ABCA10: variants seen among roughly 807,000 people sequenced by gnomAD.
The protein encoded by ABCA10 is ATP binding cassette subfamily A member 10, also known as ATP-binding cassette sub-family A member 10.
ABCA10 carries 169 observed loss-of-function variants against 187.5 expected under a neutral mutation model. That is an observed-to-expected ratio of 0.90 (90% CI 0.80 to 1.02). ABCA10 has a LOEUF of 1.02. Among genes scored for constraint, ABCA10 ranks in the 50% least tolerant of loss-of-function variants. ABCA10 has a pLI of 0.00. For missense variants in ABCA10, 1,727 were observed against 1,812.4 expected (o/e 0.95, Z 0.86); for synonymous variants, 574 against 601.8 (o/e 0.95, Z 0.68).
chr17:69,148,804 T>G lies in ABCA10; in HGVS notation c.*23A>C. The G allele has an allele frequency of 6.3e-7, 1 of 1,584,016 alleles. No individual in the cohort carries two copies. Among genetic ancestry groups the G allele is most frequent in the Non-Finnish European group, 8.6e-7 (1 of 1,156,306 alleles). On this transcript the variant is annotated 3_prime_UTR_variant, in exon 39 of 39. Transcript: ENST00000690296. ...CTAACAATGTAGTAGGACCTAAAAT[T>G]GAATGTTAGGAGGTTCTTCATTTTA...
At chr17:69,209,866 G>A (rs1409660481) in intron 9 of ABCA10, among the ~76,000 whole-genome samples, 1 of 152,084 alleles carries the variant, frequency 6.6e-6, no homozygotes, top group Non-Finnish European at 1.5e-5. Context: ...TAAGACAATG[G>A]TATCTCTATC....
At chr17:69,227,715 C>G (rs2074805199) in intron 1 of ABCA10, among the ~76,000 whole-genome samples, 1 of 151,944 alleles carries the variant, frequency 6.6e-6, no homozygotes, top group African/African-American at 2.4e-5. Context: ...TGACCACAAG[C>G]TGTCTTATTT....
rs74404893 is a variant in ABCA10, at chr17:69,174,744, G to C, written c.2911C>G (p.Leu971Val). The change falls in exon 24 of 39, where the codon CTC becomes GTC. Residue 971 changes from leucine to valine, a missense_variant. Physicochemically the swap from Leu to Val is conservative, Grantham distance 32. Coordinates refer to ENST00000690296, the MANE Select transcript of ABCA10 (RefSeq NM_001377321.1). ...NVQSQLWISG[L>V]WPSAYWCGQA... ...CCACACCAGTATGCTGAAGGCCAGA[G>C]GCCTGAAATCCATAACTGGGATTGA... 8.4e-5 allele frequency: 134 copies of C among 1,600,094 alleles called. No individual in the cohort carries two copies. The East Asian group carries it at 2.8e-3, about 34-fold the overall frequency.
intron 23 of ABCA10, among the ~76,000 whole-genome samples, 156 bp downstream of exon 23, chr17:69,175,250 T>C (rs998738515): frequency 6.6e-6 from 1 of 152,170 alleles, no homozygotes; most frequent in Non-Finnish European, 1.5e-5. Flanking sequence ...CTCTTTGAAA[T>C]CATGTGTTTA....
Position 69,215,912 on chromosome 17 carries a change from C to G in ABCA10, c.761G>C (p.Cys254Ser), listed in dbSNP as rs1470248871. 1 of 1,613,976 alleles carries G rather than the reference C, an allele frequency of 6.2e-7. No homozygotes were observed. Among genetic ancestry groups the G allele is most frequent in the East Asian group, 2.2e-5 (1 of 44,850 alleles). The change falls in exon 8 of 39, where the codon TGT (cysteine) becomes TCT (serine). Residue 254 changes from cysteine (C) to serine (S), a missense_variant. By Grantham distance (112) the Cys-to-Ser change is moderately radical. Transcript: ENST00000690296. ...TCTATATAACACAGTGAATCCCAGA[C>G]ATCCCCAAAATACAGTGAAGAGAAA... ...AGFLFTVFWG[C>S]LGFTVLYRQL... is the part of the protein sequence containing the mutation.
At position 69,154,293 on chromosome 17, in the gene ABCA10, G is replaced by T; in HGVS notation, c.3728C>A (p.Ala1243Asp). The change falls in exon 31 of 39, where the codon GCT (alanine) becomes GAT (aspartate). Residue 1243 changes from alanine (A) to aspartate (D), a missense_variant. Ala to Asp is a moderately radical substitution (Grantham distance 126, BLOSUM62 -2). Coordinates refer to ENST00000690296, the MANE Select transcript of ABCA10 (RefSeq NM_001377321.1). The stretch of plus-strand genomic sequence containing the variant: ...CATTTTAATGGAAGTACTTTTACCA[G>T]CTCCATTGTGTCCTAGTAATCCCAA... The part of the protein sequence containing the change: ...EVLGLLGHNG[A>D]GKSTSIKMIT... 6.2e-7 allele frequency: 1 copy of T among 1,611,452 alleles called. No individual in the cohort carries two copies. The highest frequency in any genetic ancestry group is 8.5e-7 in the Non-Finnish European group (1 of 1,179,362).
At chr17:69,186,414 C>G (rs140129094) in intron 19 of ABCA10, among the ~76,000 whole-genome samples, 120 of 152,278 alleles carry the variant, frequency 7.9e-4, no homozygotes, top group Non-Finnish European at 1.3e-3. Context: ...ATCTTTGCTC[C>G]TAACAAAAAG....
intron 9 of ABCA10, among the ~76,000 whole-genome samples, chr17:69,212,351 T>C (rs1161059874): frequency 2.0e-5 from 3 of 152,194 alleles, no homozygotes; most frequent in Non-Finnish European, 4.4e-5. Flanking sequence ...GTGCTTGATA[T>C]AATGTTGATT....
At position 69,149,920 on chromosome 17, in the gene ABCA10, C is replaced by T. The variant is rs2074115611; in HGVS notation, c.4477+64G>A. 5 of 1,245,768 alleles carry T rather than the reference C, an allele frequency of 4.0e-6. No individual in the cohort carries two copies. In the South Asian group the frequency reaches 6.5e-5, roughly 16 times the overall value. The allele number at this position is 1,245,768 out of a possible 1,614,324, so 77.2% of individuals were successfully genotyped here. ...ATTGTTCTACTTCAAATTACATAGT[C>T]TATATTCCACATGAAAATATGCAAC... On this transcript the variant is annotated intron_variant, in intron 37 of 38. Transcript: ENST00000690296.
chr17:69,167,352 T>A (rs1316114669), intron 25 of ABCA10, among the ~76,000 whole-genome samples: 1 of 152,168 alleles, frequency 6.6e-6, no homozygotes, highest in Non-Finnish European at 1.5e-5. Flanking sequence ...GAGAACATCA[T>A]GAAAGTCTGG....
chr17:69,216,950 G>A (rs2144841033), intron 6 of ABCA10, among the ~76,000 whole-genome samples: 1 of 152,114 alleles, frequency 6.6e-6, no homozygotes, highest in South Asian at 2.1e-4. Context: ...TAAAATAAAA[G>A]GAAAGGTATT....
At chr17:69,157,065 C>A in intron 27 of ABCA10, 142 bp from the exon 28 acceptor site, 1 of 497,824 alleles carries the variant, frequency 2.0e-6, no homozygotes. Context: ...TGACAAGCAA[C>A]TTGTAAAATA....
At chr17:69,165,256 T>C (rs757108296) in intron 25 of ABCA10, among the ~76,000 whole-genome samples, 173 bp from the exon 26 acceptor site, 3 of 152,150 alleles carry the variant, frequency 2.0e-5, no homozygotes, top group African/African-American at 7.2e-5. Context: ...TCACTGCAAC[T>C]AAAACATAGG....
chr17:69,201,809 C>A, intron 9 of ABCA10, 141 bp from the exon 10 acceptor site: 1 of 706,746 alleles, frequency 1.4e-6, no homozygotes. Context: ...TTTTTTGAGA[C>A]AGTCACGCTC....
chr17:69,187,607 T>C, intron 19 of ABCA10, 74 bp downstream of exon 19: 1 of 1,397,874 alleles, frequency 7.2e-7, no homozygotes, highest in South Asian at 1.4e-5. Flanking sequence ...AATAAATTAA[T>C]ATATTTACTT....
chr17:69,213,851 C>G (rs1490042535), intron 9 of ABCA10, among the ~76,000 whole-genome samples: 1 of 152,202 alleles, frequency 6.6e-6, no homozygotes, highest in Non-Finnish European at 1.5e-5. Flanking sequence ...TTCCTTCACT[C>G]TGTGGCCCCT....
chr17:69,215,682 T>C (rs1276016485), intron 8 of ABCA10, 133 bp downstream of exon 8: 1 of 874,056 alleles, frequency 1.1e-6, no homozygotes, highest in Non-Finnish European at 1.6e-6. Flanking sequence ...GTTGTTCTTA[T>C]TTAGTTTCTC....
At position 69,155,019 on chromosome 17, in the gene ABCA10, C is replaced by T. The variant is rs943320544; in HGVS notation, c.3694G>A (p.Gly1232Ser). 1 of 1,575,584 alleles carries T rather than the reference C, an allele frequency of 6.3e-7. No individual in the cohort carries two copies. Among genetic ancestry groups the T allele is most frequent in the Non-Finnish European group, 8.7e-7 (1 of 1,149,540 alleles). Residue 1232 changes from glycine to serine, a missense_variant and splice_region_variant, in exon 30 of 39, where the codon GGT becomes AGT. Gly to Ser is a moderately conservative substitution (Grantham distance 56). Coordinates refer to ENST00000690296, the MANE Select transcript of ABCA10 (RefSeq NM_001377321.1). ...TAATAAAAGGAACAATTGTTCAAAC[C>T]TTTTTTAACACAAAAGGAAACATTT... ...IRNVSFCVKK[G>S]EVLGLLGHNG...
rs1414277751 is a variant in ABCA10, at chr17:69,219,863, C to T, written c.304-92G>A. On this transcript the variant is annotated intron_variant, in intron 5 of 38. Coordinates refer to ENST00000690296, the MANE Select transcript of ABCA10 (RefSeq NM_001377321.1). ...TTTTTATTTTCGATTTCAATATTTA[C>T]ATATTCTCATCATTTTAAAGTATGA... 4 of 881,830 alleles carry T rather than the reference C, an allele frequency of 4.5e-6. No individual in the cohort carries two copies. In the East Asian group the frequency reaches 1.1e-4, roughly 24 times the overall value. 54.6% of individuals were successfully genotyped at this position (881,830 alleles called of 1,614,324 possible). A position where few individuals can be genotyped will look rare whatever the true frequency, so the allele number is the denominator to read the frequency against.
Sources: gnomAD v4.1 joint callset for allele counts (sites outside exome capture counted in the v4.1 genomes callset) on GRCh38, gnomAD v4.1.1 for gene constraint, MANE v1.5 for transcripts, NCBI Gene and HGNC (gene_info 2026-07-23, HGNC 2026-07-21) for gene names.